Variants in IL17RD observed in about 807,000 individuals in gnomAD.
IL17RD encodes the protein interleukin-17 receptor D.
Under a neutral mutation model 80.5 loss-of-function variants are expected in IL17RD, and 52 were observed. That is an observed-to-expected ratio of 0.65 (90% confidence interval 0.52 to 0.81). The LOEUF (loss-of-function observed/expected upper bound fraction) is 0.81, where lower values mean the gene tolerates loss of function less well. Ranked by LOEUF, IL17RD falls within the 40% of genes least tolerant of loss-of-function variation. IL17RD has a pLI of 0.00. For synonymous variants in IL17RD, 416 were observed against 391.8 expected (o/e 1.06, Z -0.73); for missense variants, 1,024 against 955.1 (o/e 1.07, Z -0.95).
Position 57,105,803 on chromosome 3 carries a change from C to G in IL17RD, c.747+54G>C, listed in dbSNP as rs996258409. 41 of 1,538,112 alleles carry G rather than the reference C, an allele frequency of 2.7e-5. No individual in the cohort carries two copies. In the African/African-American group the frequency reaches 4.9e-4, roughly 18 times the overall value. Reference sequence around the variant, plus strand: ...ATTGAGCAACCCAAATTCCAGTGGCCTGGGGGTCGCTTTGAAACACGCAGT... The same window carrying G: ...ATTGAGCAACCCAAATTCCAGTGGCGTGGGGGTCGCTTTGAAACACGCAGT... On this transcript the variant is annotated intron_variant, in intron 7 of 12. Coordinates refer to ENST00000296318, the MANE Select transcript of IL17RD (RefSeq NM_017563.5).
chr3:57,159,578 G>A (rs989275613), intron 1 of IL17RD, among the ~76,000 whole-genome samples: 1 of 152,196 alleles, frequency 6.6e-6, no homozygotes, highest in African/African-American at 2.4e-5. Context: ...GGAGGACAAT[G>A]CCTCCCACTG....
At chr3:57,156,395 C>T (rs2060267189) in intron 1 of IL17RD, among the ~76,000 whole-genome samples, 1 of 152,094 alleles carries the variant, frequency 6.6e-6, no homozygotes, top group Admixed American at 6.6e-5. Flanking sequence ...AAAACCCCAT[C>T]TCTACAAAAA....
intron 1 of IL17RD, among the ~76,000 whole-genome samples, chr3:57,137,910 G>A (rs2107523162): frequency 6.6e-6 from 1 of 152,238 alleles, no homozygotes; most frequent in Non-Finnish European, 1.5e-5. Flanking sequence ...CAAAGCAAAG[G>A]CCCTTTGTTA....
At chr3:57,160,138 C>CTCCA (rs1405755356) in intron 1 of IL17RD, among the ~76,000 whole-genome samples, 3 of 152,096 alleles carry the variant, frequency 2.0e-5, no homozygotes, top group Non-Finnish European at 4.4e-5. Context: ...TGCCAATGCA[C>CTCCA]TCCAGCCTGG....
At chr3:57,130,579 A>G (rs1007989508) in intron 1 of IL17RD, among the ~76,000 whole-genome samples, 3 of 152,050 alleles carry the variant, frequency 2.0e-5, no homozygotes, top group Non-Finnish European at 4.4e-5. Flanking sequence ...TCTGGGGGAG[A>G]GGGAAGTAGT....
At chr3:57,166,391 G>A (rs1488801767), upstream of IL17RD, among the ~76,000 whole-genome samples, 1 of 152,096 alleles carries the variant, frequency 6.6e-6, no homozygotes, top group Non-Finnish European at 1.5e-5. Context: ...TCTAGGCTGA[G>A]TGCAGTGGCC....
At position 57,120,130 on chromosome 3, in the gene IL17RD, A is replaced by G. The variant is rs951451353; in HGVS notation, c.184+126T>C. On this transcript the variant is annotated intron_variant, in intron 2 of 12. Transcript: ENST00000296318. Reference sequence around the variant, plus strand: ...TGAGACTGAGCTGCTTTAGCTGTTGACAAACCTGAACAGGTTCAGAAAATT... The same window carrying G: ...TGAGACTGAGCTGCTTTAGCTGTTGGCAAACCTGAACAGGTTCAGAAAATT... 4 of 732,002 alleles carry G rather than the reference A, an allele frequency of 5.5e-6. No homozygotes were observed. In the African/African-American group the frequency reaches 7.0e-5, roughly 13 times the overall value. 45.3% of individuals were successfully genotyped at this position (732,002 alleles called of 1,614,324 possible). A position where few individuals can be genotyped will look rare whatever the true frequency, so the allele number is the denominator to read the frequency against.
chr3:57,093,454 CT>C lies in IL17RD; in HGVS notation c.*2938del, dbSNP rs1341358192. The C allele has an allele frequency of 1.3e-5, 2 of 152,056 alleles. No individual in the cohort carries two copies. The highest frequency in any genetic ancestry group is 2.9e-5 in the Non-Finnish European group (2 of 67,994). 9.4% of individuals were successfully genotyped at this position (152,056 alleles called of 1,614,324 possible). On this transcript the variant is annotated 3_prime_UTR_variant, in exon 13 of 13. Coordinates refer to ENST00000296318, the MANE Select transcript of IL17RD (RefSeq NM_017563.5). The stretch of plus-strand genomic sequence containing the variant: ...AAATTGGTCCTCTTGCCCCTTATTT[CT>C]TTTAAAAGAAAAGATGCTCAACTCT...
intron 1 of IL17RD, among the ~76,000 whole-genome samples, chr3:57,151,503 T>C (rs2060220400): frequency 6.6e-6 from 1 of 152,194 alleles, no homozygotes; most frequent in Admixed American, 6.5e-5. Flanking sequence ...AAATTCATCC[T>C]GAGTGCAAAT....
chr3:57,166,696 T>C (rs2060349990), upstream of IL17RD, among the ~76,000 whole-genome samples: 1 of 152,244 alleles, frequency 6.6e-6, no homozygotes, highest in Non-Finnish European at 1.5e-5. Flanking sequence ...TCTTCCACTC[T>C]GTCTTTACCA....
chr3:57,101,083 A>G (rs1706815843), intron 11 of IL17RD, 96 bp downstream of exon 11: 1 of 940,074 alleles, frequency 1.1e-6, no homozygotes, highest in Admixed American at 2.6e-5. Context: ...GGCAGGTGTC[A>G]CCACAGGAGG....
intron 1 of IL17RD, among the ~76,000 whole-genome samples, chr3:57,154,492 G>A (rs966062641): frequency 2.4e-4 from 36 of 151,694 alleles, no homozygotes; most frequent in African/African-American, 1.7e-4. Context: ...TGATCAACTC[G>A]AAAACTCTGT....
intron 1 of IL17RD, among the ~76,000 whole-genome samples, chr3:57,122,740 CTT>C (rs754491969): frequency 2.6e-5 from 3 of 117,048 alleles, no homozygotes; most frequent in Non-Finnish European, 5.1e-5. Context: ...CCTCAACTGT[CTT>C]TTTTTTTTTT....
At chr3:57,129,577 G>A (rs946453997) in intron 1 of IL17RD, among the ~76,000 whole-genome samples, 3 of 152,172 alleles carry the variant, frequency 2.0e-5, no homozygotes, top group Non-Finnish European at 4.4e-5. Flanking sequence ...CTATAGAAAT[G>A]GGGGATTGTG....
At chr3:57,102,430 C>T in intron 10 of IL17RD, 49 bp downstream of exon 10, 1 of 1,067,338 alleles carries the variant, frequency 9.4e-7, no homozygotes, top group Non-Finnish European at 1.3e-6. Flanking sequence ...TTGGCAGCAC[C>T]CCCTGGCCTG....
At chr3:57,138,982 G>C (rs1707781303) in intron 1 of IL17RD, among the ~76,000 whole-genome samples, 1 of 151,100 alleles carries the variant, frequency 6.6e-6, no homozygotes. Context: ...GGGGAAAGAG[G>C]GTCTTTTTTT....
At chr3:57,163,803 A>AGGGGGGGGGGGGGGGGGGGGGGGGG (rs1401715931) in intron 1 of IL17RD, among the ~76,000 whole-genome samples, 1 of 5,526 alleles carries the variant, frequency 1.8e-4, no homozygotes, top group Admixed American at 1.1e-3. Context: ...CGGGGGGGGA[A>AGGGGGGGGGGGGGGGGGGGGGGGGG]GGGGGTGGCG....
At chr3:57,168,879 G>C (rs1218415110), upstream of IL17RD, among the ~76,000 whole-genome samples, 1 of 152,156 alleles carries the variant, frequency 6.6e-6, no homozygotes, top group East Asian at 1.9e-4. Flanking sequence ...ACCATGCCTG[G>C]CTAATTTTTC....
Position 57,165,018 on chromosome 3 carries a change from C to T in IL17RD, c.126+143G>A, listed in dbSNP as rs532547294. On this transcript the variant is annotated intron_variant, in intron 1 of 12. Coordinates refer to ENST00000296318, the MANE Select transcript of IL17RD (RefSeq NM_017563.5). ...TCCGGGGAGGGAAACCAGGAGGATG[C>T]GCGGGAGGAGTGAGACCCAGGCCGG... 5 of 1,340,630 alleles carry T rather than the reference C, an allele frequency of 3.7e-6. No individual in the cohort carries two copies. In the South Asian group the frequency reaches 7.2e-5, roughly 19 times the overall value. The allele number at this position is 1,340,630 out of a possible 1,614,324, so 83.0% of individuals were successfully genotyped here. A position where few individuals can be genotyped will look rare whatever the true frequency, so the allele number is the denominator to read the frequency against.
Sources: allele counts gnomAD v4.1 joint callset (sites outside exome capture counted in the v4.1 genomes callset), GRCh38; gene constraint gnomAD v4.1.1; transcripts MANE v1.5; gene names NCBI Gene and HGNC (gene_info 2026-07-23, HGNC 2026-07-21).